Variants in ZEB1 observed in about 807,000 individuals in gnomAD.
ZEB1 encodes the protein zinc finger E-box-binding homeobox 1.
Under a neutral mutation model 84.9 loss-of-function variants are expected in ZEB1, and 21 were observed. The observed-to-expected ratio is 0.25, with a 90% CI of 0.18 to 0.36. The LOEUF is 0.36. Among genes scored for constraint, ZEB1 ranks in the 10% least tolerant of loss-of-function variants. The pLI, the probability that ZEB1 is intolerant of heterozygous loss-of-function variation, is 1.00. For missense variants in ZEB1, 1,104 were observed against 1,330.2 expected, an observed-to-expected ratio of 0.83 and a Z score of 2.65; for synonymous variants, 420 against 471.1, an observed-to-expected ratio of 0.89 and a Z score of 1.41.
At position 31,487,884 on chromosome 10, in the gene ZEB1, G is replaced by T. The variant is rs188777569; in HGVS notation, c.260-7892G>T. Among the ~76,000 whole-genome samples, 149 of 151,086 alleles carry T rather than the reference G, an allele frequency of 9.9e-4. 3 individuals carry two copies. The highest frequency in any genetic ancestry group is 4.8e-3 in the Admixed American group (72 of 15,100). ...TCTGCATCAATTGAAATGATCATATGGTTTTACTTTAATCTGTGAATATGG... is the reference window on the plus strand; with the variant it reads ...TCTGCATCAATTGAAATGATCATATTGTTTTACTTTAATCTGTGAATATGG... On this transcript the variant is annotated intron_variant, in intron 2 of 8. Coordinates refer to ENST00000424869, the MANE Select transcript of ZEB1 (RefSeq NM_001174096.2).
chr10:31,430,445 C>T (rs2057579171), intron 1 of ZEB1, among the ~76,000 whole-genome samples: 2 of 152,302 alleles, frequency 1.3e-5, no homozygotes, highest in South Asian at 4.1e-4. Flanking sequence ...TGCCTTTAAA[C>T]TTAGCATCTT....
At chr10:31,465,373 A>G (rs2062281151) in intron 2 of ZEB1, among the ~76,000 whole-genome samples, 1 of 151,890 alleles carries the variant, frequency 6.6e-6, no homozygotes, top group Non-Finnish European at 1.5e-5. Context: ...TGTTATGACT[A>G]TAAAATGGTT....
At chr10:31,497,050 G>A (rs1019412186) in intron 3 of ZEB1, among the ~76,000 whole-genome samples, 3 of 152,084 alleles carry the variant, frequency 2.0e-5, no homozygotes, top group Admixed American at 1.3e-4. Flanking sequence ...TAACTTGCAT[G>A]AATAATGTAT....
intron 1 of ZEB1, among the ~76,000 whole-genome samples, chr10:31,327,099 CTTT>C (rs71527629): frequency 0.043 from 3,675 of 84,992 alleles, 102 homozygotes; most frequent in East Asian, 0.19. Context: ...CTTTTCTTTT[CTTT>C]TTTTTTTTTT....
intron 1 of ZEB1, among the ~76,000 whole-genome samples, chr10:31,404,076 A>G (rs954882509): frequency 6.6e-6 from 1 of 152,088 alleles, no homozygotes; most frequent in African/African-American, 2.4e-5. Flanking sequence ...TCAGTATGTT[A>G]TCCTTTTGGA....
intron 1 of ZEB1, among the ~76,000 whole-genome samples, chr10:31,358,891 G>C (rs779562337): frequency 6.6e-6 from 1 of 152,086 alleles, no homozygotes; most frequent in Non-Finnish European, 1.5e-5. Flanking sequence ...GGCCAAAATG[G>C]TTTATGCTTC....
chr10:31,511,725 C>G (rs2070065511), intron 5 of ZEB1, among the ~76,000 whole-genome samples: 1 of 152,118 alleles, frequency 6.6e-6, no homozygotes, highest in South Asian at 2.1e-4. Flanking sequence ...TATCTACATA[C>G]CTGAACTCTG....
intron 1 of ZEB1, among the ~76,000 whole-genome samples, chr10:31,439,033 T>G (rs2058600217): frequency 6.6e-6 from 1 of 152,194 alleles, no homozygotes; most frequent in South Asian, 2.1e-4. Context: ...TTTTTTAAAG[T>G]AATATAAACA....
chr10:31,430,944 A>G (rs1358414111), intron 1 of ZEB1, among the ~76,000 whole-genome samples: 2 of 152,218 alleles, frequency 1.3e-5, no homozygotes. Flanking sequence ...TTCAACTTAC[A>G]GTATACAGTC....
At chr10:31,439,532 G>C (rs952875870) in intron 1 of ZEB1, among the ~76,000 whole-genome samples, 8 of 152,118 alleles carry the variant, frequency 5.3e-5, no homozygotes, top group African/African-American at 1.9e-4. Context: ...TAGATGAGGG[G>C]AACAGTGGTG....
At chr10:31,498,877 A>G (rs2067684958) in intron 3 of ZEB1, among the ~76,000 whole-genome samples, 1 of 152,062 alleles carries the variant, frequency 6.6e-6, no homozygotes, top group South Asian at 2.1e-4. Flanking sequence ...ATTACTTCAT[A>G]AACAGTAATT....
At chr10:31,443,968 G>C (rs1426121445) in intron 1 of ZEB1, among the ~76,000 whole-genome samples, 4 of 149,610 alleles carry the variant, frequency 2.7e-5, no homozygotes, top group Non-Finnish European at 1.5e-5. Context: ...TCTAGTTCTA[G>C]ATCCCTGAGG....
At chr10:31,512,600 A>G (rs1281806535) in intron 5 of ZEB1, among the ~76,000 whole-genome samples, 1 of 152,196 alleles carries the variant, frequency 6.6e-6, no homozygotes, top group Non-Finnish European at 1.5e-5. Context: ...TTATTCAACA[A>G]ACATTTGTGT....
intron 1 of ZEB1, among the ~76,000 whole-genome samples, chr10:31,438,907 G>C (rs2058581750): frequency 6.6e-6 from 1 of 152,148 alleles, no homozygotes. Flanking sequence ...CATACATAGA[G>C]AGCCAGCAAA....
At chr10:31,457,474 T>C (rs185275220) in intron 1 of ZEB1, among the ~76,000 whole-genome samples, 7 of 152,264 alleles carry the variant, frequency 4.6e-5, no homozygotes, top group Admixed American at 3.9e-4. Flanking sequence ...AAAATAGTTA[T>C]CGGTCTTTTT....
chr10:31,468,194 A>C (rs888246617), intron 2 of ZEB1, among the ~76,000 whole-genome samples: 1 of 152,040 alleles, frequency 6.6e-6, no homozygotes, highest in African/African-American at 2.4e-5. Flanking sequence ...ACCCAGTCCC[A>C]CCCAGCTTTG....
rs1491000609 is a variant in ZEB1 at position 31,520,910 on chromosome 10, G to A, written c.1578G>A (p.Gly526=). 1.2e-6 allele frequency: 2 copies of A among 1,614,084 alleles called. No individual in the cohort carries two copies. The highest frequency in any genetic ancestry group is 1.7e-6 in the Non-Finnish European group (2 of 1,180,006). ...AGAAGGACAAAAGCTTTGAAGGGGG[G>A]GTGAATGATAGCACTTGTCTTCTGT... ...KSEKDKSFEG[G]VNDSTCLLCD... is the part of the protein sequence containing the mutation. The change falls in exon 7 of 9, where the codon GGG becomes GGA. Residue 526 remains glycine, a synonymous_variant. Coordinates refer to ENST00000424869, the MANE Select transcript of ZEB1 (RefSeq NM_001174096.2). The surrounding 1 kb of genome is among the most constrained non-coding windows in gnomAD (Gnocchi z 5.1).
At chr10:31,409,577 A>G (rs1052268080) in intron 1 of ZEB1, among the ~76,000 whole-genome samples, 20 of 152,124 alleles carry the variant, frequency 1.3e-4, no homozygotes, top group African/African-American at 4.6e-4. Flanking sequence ...TGGGGATAAC[A>G]TTCAATTTGT....
At chr10:31,483,581 A>G (rs1330192511) in intron 2 of ZEB1, among the ~76,000 whole-genome samples, 1 of 152,028 alleles carries the variant, frequency 6.6e-6, no homozygotes, top group African/African-American at 2.4e-5. Flanking sequence ...TTAATTTCCC[A>G]TGGCCTCCAA....
Sources: allele counts gnomAD v4.1 joint callset (sites outside exome capture counted in the v4.1 genomes callset), GRCh38; gene constraint gnomAD v4.1.1; non-coding constraint Gnocchi (gnomAD v3.1); transcripts MANE v1.5; gene names NCBI Gene and HGNC (gene_info 2026-07-23, HGNC 2026-07-21).